The following PIK3C2A variants were observed in gnomAD, a reference collection of about 807,000 sequenced individuals.
PIK3C2A encodes phosphatidylinositol-4-phosphate 3-kinase catalytic subunit type 2 alpha.
A neutral mutation model predicts 204.5 loss-of-function variants in PIK3C2A; 97 were observed. That is an observed-to-expected ratio of 0.47 (90% CI 0.40 to 0.56). The LOEUF is 0.56. PIK3C2A is among the 20% of genes least tolerant of loss of function. The pLI is 0.00. For synonymous variants in PIK3C2A, 653 were observed against 664.4 expected (o/e 0.98, Z 0.26); for missense variants, 1,735 against 1,969.2 (o/e 0.88, Z 2.25).
chr11:17,181,862 C>A (rs942690283), intron 1 of PIK3C2A, among the ~76,000 whole-genome samples: 1 of 151,648 alleles, frequency 6.6e-6, no homozygotes, highest in African/African-American at 2.4e-5. Context: ...GAGGCCAAGG[C>A]GGGTGGATCA....
At position 17,155,516 on chromosome 11, in the gene PIK3C2A, A is replaced by G; in HGVS notation, c.1169+10T>C. ...TTTCAAATGAACATTTATAAAGAAA[A>G]ATTCCTTACTTTGTAATGGATCGAC... On this transcript the variant is annotated intron_variant, in intron 3 of 32. Coordinates refer to ENST00000691414, the MANE Select transcript of PIK3C2A (RefSeq NM_002645.4). The G allele has an allele frequency of 6.8e-7, 1 of 1,475,292 alleles. No individual in the cohort carries two copies. Among genetic ancestry groups the G allele is most frequent in the Non-Finnish European group, 9.4e-7 (1 of 1,066,060 alleles). The allele number at this position is 1,475,292 out of a possible 1,614,324, so 91.4% of individuals were successfully genotyped here.
intron 28 of PIK3C2A, among the ~76,000 whole-genome samples, chr11:17,092,518 TTAGCGTGCTGATGCC>T (rs1848338652): frequency 1.3e-5 from 2 of 152,016 alleles, no homozygotes; most frequent in African/African-American, 2.4e-5. Flanking sequence ...AATACAAAAA[TTAGCGTGCTGATGCC>T]TATAATCAGA....
At position 17,154,928 on chromosome 11, in the gene PIK3C2A, G is replaced by A. The variant is rs191740363; in HGVS notation, c.1169+598C>T. 4.8e-3 allele frequency among the ~76,000 whole-genome samples: 734 copies of A among 152,250 alleles called. 10 individuals carry two copies. The highest frequency in any genetic ancestry group is 0.017 in the African/African-American group (698 of 41,534). ...TAACAGAAGTCACAACTAATATAGT[G>A]ATATAATGGGAAGAAAACATGCTTA... On this transcript the variant is annotated intron_variant, in intron 3 of 32. Coordinates refer to ENST00000691414, the MANE Select transcript of PIK3C2A (RefSeq NM_002645.4).
intron 1 of PIK3C2A, among the ~76,000 whole-genome samples, chr11:17,173,642 T>C (rs577836525): frequency 7.2e-5 from 11 of 152,328 alleles, no homozygotes; most frequent in Admixed American, 5.2e-4. Flanking sequence ...ACAAAAAATG[T>C]CCTGATTAAC....
chr11:17,106,496 C>A (rs1464668649), intron 22 of PIK3C2A, among the ~76,000 whole-genome samples: 1 of 152,180 alleles, frequency 6.6e-6, no homozygotes, highest in African/African-American at 2.4e-5. Context: ...ATGTAAACAT[C>A]AATTTTGACT....
chr11:17,097,652 G>A (rs914627816), intron 26 of PIK3C2A, among the ~76,000 whole-genome samples: 8 of 152,202 alleles, frequency 5.3e-5, no homozygotes, highest in East Asian at 1.9e-4. Context: ...GGTGGCTCAC[G>A]CCTGTAATCC....
chr11:17,178,374 G>A (rs1010791312), intron 1 of PIK3C2A, among the ~76,000 whole-genome samples: 1 of 152,044 alleles, frequency 6.6e-6, no homozygotes, highest in African/African-American at 2.4e-5. Context: ...AGTTTATGAA[G>A]AGAGAAACAG....
intron 28 of PIK3C2A, among the ~76,000 whole-genome samples, chr11:17,093,307 C>T (rs1448676036): frequency 1.3e-5 from 2 of 152,336 alleles, no homozygotes; most frequent in African/African-American, 4.8e-5. Flanking sequence ...CGCTCTGTTG[C>T]CCAGGCTGGA....
intron 9 of PIK3C2A, 47 bp from the exon 10 acceptor site, chr11:17,135,206 A>C: frequency 6.3e-7 from 1 of 1,579,474 alleles, no homozygotes; most frequent in Non-Finnish European, 8.7e-7. Flanking sequence ...TGCCTATGAC[A>C]TAATATAAAA....
At position 17,122,293 on chromosome 11, in the gene PIK3C2A, G is replaced by T; in HGVS notation, c.2552C>A (p.Thr851Asn). 1 of 1,537,224 alleles carries T rather than the reference G, an allele frequency of 6.5e-7. No homozygotes were observed. Among genetic ancestry groups the T allele is most frequent in the Non-Finnish European group, 9.0e-7 (1 of 1,113,092 alleles). ...PSPAFDIIYTTPQVDRSIIQQ... is the reference protein window; with the variant it reads ...PSPAFDIIYTNPQVDRSIIQQ... ...TATAATGCTTCTGTCAACTTGAGGA[G>T]TTGTATAAATAATATCAAATGCAGG... Residue 851 changes from threonine to asparagine, a missense_variant, in exon 15 of 33, where the codon ACT becomes AAT. Coordinates refer to ENST00000691414, the MANE Select transcript of PIK3C2A (RefSeq NM_002645.4).
At chr11:17,192,762 T>C (rs535413237) in intron 1 of PIK3C2A, among the ~76,000 whole-genome samples, 17 of 152,316 alleles carry the variant, frequency 1.1e-4, no homozygotes, top group Non-Finnish European at 2.5e-4. Flanking sequence ...ACAACTGTTA[T>C]GGAAACCTCA....
At chr11:17,109,509 A>G (rs1848930830) in intron 22 of PIK3C2A, among the ~76,000 whole-genome samples, 1 of 152,226 alleles carries the variant, frequency 6.6e-6, no homozygotes. Context: ...ATAACTTTGT[A>G]TGACTTTATT....
chr11:17,190,719 ATAAT>A (rs1851911530), intron 1 of PIK3C2A, among the ~76,000 whole-genome samples: 1 of 152,164 alleles, frequency 6.6e-6, no homozygotes, highest in African/African-American at 2.4e-5. Context: ...TTCAAAATCA[ATAAT>A]TAATTAGATG....
chr11:17,149,606 G>A (rs1850363311), intron 4 of PIK3C2A, among the ~76,000 whole-genome samples: 1 of 152,120 alleles, frequency 6.6e-6, no homozygotes, highest in Middle Eastern at 3.4e-3. Flanking sequence ...AAATACAGCA[G>A]GTAGGCTGTA....
rs1430315735 is a variant in PIK3C2A, at chr11:17,134,980, A to T, written c.1947T>A (p.Thr649=). 6.2e-7 allele frequency: 1 copy of T among 1,614,188 alleles called. No homozygotes were observed. The highest frequency in any genetic ancestry group is 2.2e-5 in the East Asian group (1 of 44,894). ...NPVQVSINQL[T]AAIYDLLRLH... is the part of the protein sequence containing the mutation. ...GTCTGAGAAGATCATAAATTGCTGC[A>T]GTTAATTGGTTTATGCTTACTTGAA... The change falls in exon 11 of 33, where the codon ACT becomes ACA. Residue 649 remains threonine (T), a synonymous_variant. Coordinates refer to ENST00000691414, the MANE Select transcript of PIK3C2A (RefSeq NM_002645.4).
intron 1 of PIK3C2A, among the ~76,000 whole-genome samples, chr11:17,202,913 G>A (rs1852439337): frequency 6.6e-6 from 1 of 152,132 alleles, no homozygotes; most frequent in Non-Finnish European, 1.5e-5. Flanking sequence ...CTGTTATACT[G>A]TAATACTAAC....
chr11:17,196,689 C>T (rs1224813768), intron 1 of PIK3C2A, among the ~76,000 whole-genome samples: 4 of 152,048 alleles, frequency 2.6e-5, no homozygotes, highest in Non-Finnish European at 5.9e-5. Context: ...CCTGCCTCAG[C>T]CTCCCGAGTA....
chr11:17,111,376 T>C (rs1395288728), intron 21 of PIK3C2A, among the ~76,000 whole-genome samples: 1 of 152,180 alleles, frequency 6.6e-6, no homozygotes, highest in African/African-American at 2.4e-5. Flanking sequence ...TTTGTTACAA[T>C]TGCCTATGAA....
At chr11:17,142,023 A>G (rs1850079816) in intron 8 of PIK3C2A, among the ~76,000 whole-genome samples, 1 of 152,088 alleles carries the variant, frequency 6.6e-6, no homozygotes, top group African/African-American at 2.4e-5. Context: ...GGAAGGGGGT[A>G]TATGAGGTAT....
Sources: gnomAD v4.1 joint callset for allele counts (sites outside exome capture counted in the v4.1 genomes callset) on GRCh38, gnomAD v4.1.1 for gene constraint, MANE v1.5 for transcripts, NCBI Gene and HGNC (gene_info 2026-07-23, HGNC 2026-07-21) for gene names.